Variants in WASHC5 observed in about 807,000 individuals in gnomAD.
The protein encoded by WASHC5 is WASH complex subunit 5, also known as WASH complex subunit strumpellin.
In WASHC5, 101 loss-of-function variants were observed where a neutral mutation model predicts 150.4. The ratio of observed to expected loss-of-function variants is 0.67; its 90% confidence interval spans 0.57 to 0.79. The LOEUF is 0.79. Ranked by LOEUF, WASHC5 falls within the 30% of genes least tolerant of loss-of-function variation. The pLI is 0.00. For missense variants in WASHC5, 1,195 were observed against 1,396.3 expected (o/e 0.86, Z 2.30); for synonymous variants, 467 against 491.2 (o/e 0.95, Z 0.65).
At chr8:125,058,060 C>G (rs1298267088) in intron 14 of WASHC5, among the ~76,000 whole-genome samples, 1 of 151,174 alleles carries the variant, frequency 6.6e-6, no homozygotes, top group Non-Finnish European at 1.5e-5. Context: ...GAAATCAAGA[C>G]GTTCTGATTG....
In WASHC5 at chr8:125,036,688, AAAAT is replaced by A. The variant is rs142430047; in HGVS notation, c.3181+545_3181+548del. On this transcript the variant is annotated intron_variant, in intron 26 of 28. Coordinates refer to ENST00000318410, the MANE Select transcript of WASHC5 (RefSeq NM_014846.4). ...CCTTGTCTCAAAAAATAAATAAAATAAAATAAATAAATAAGTGTACTTAAAAAAA... is the reference window on the plus strand; with the variant it reads ...CCTTGTCTCAAAAAATAAATAAAATAAAATAAATAAGTGTACTTAAAAAAA... Among the ~76,000 whole-genome samples the A allele has an allele frequency of 3.1e-3, 443 of 143,836 alleles. 4 individuals carry two copies. Among genetic ancestry groups the A allele is most frequent in the African/African-American group, 0.012 (420 of 33,828 alleles). 94.4% of individuals were successfully genotyped at this position (143,836 alleles called of 152,430 possible).
intron 1 of WASHC5, among the ~76,000 whole-genome samples, chr8:125,085,378 T>C (rs1817390141): frequency 6.6e-6 from 1 of 152,144 alleles, no homozygotes; most frequent in African/African-American, 2.4e-5. Context: ...CTTAAAAACT[T>C]TTCCATGGTA....
chr8:125,059,673 TA>T (rs1816532255), intron 12 of WASHC5, 131 bp from the exon 13 acceptor site: 4 of 710,852 alleles, frequency 5.6e-6, no homozygotes, highest in Non-Finnish European at 9.3e-6. Context: ...TTTCAAATTA[TA>T]AATTTCAGAA....
chr8:125,047,442 TTG>T, intron 19 of WASHC5, 111 bp from the exon 20 acceptor site: 2 of 1,157,354 alleles, frequency 1.7e-6, no homozygotes, highest in Admixed American at 3.9e-5. Context: ...ACAATAAAGG[TTG>T]TTTTTTTTTT....
At chr8:125,024,778 AGAG>A (rs748221523) in intron 28 of WASHC5, 105 bp from the exon 29 acceptor site, 66 of 790,262 alleles carry the variant, frequency 8.4e-5, no homozygotes, top group Admixed American at 5.6e-4. Context: ...GAATAATAGA[AGAG>A]GAGACTCCCA....
chr8:125,073,185 A>G lies in WASHC5; in HGVS notation c.1118T>C (p.Ile373Thr). 2 of 1,614,156 alleles carry G rather than the reference A, an allele frequency of 1.2e-6. No individual in the cohort carries two copies. Among genetic ancestry groups the G allele is most frequent in the Non-Finnish European group, 1.7e-6 (2 of 1,179,996 alleles). The change falls in exon 9 of 29, where the codon ATC (isoleucine) becomes ACC (threonine). Residue 373 changes from isoleucine to threonine, a missense_variant. Transcript: ENST00000318410. ...TGCTGTATGAAGCATCAGCCATCGG[A>G]TGGCAACATTGCAGTCTCTCAGGCA... ...LNCLRDCNVA[I>T]RWLMLHTADS...
chr8:125,045,816 T>TA (rs1440502087), intron 20 of WASHC5, among the ~76,000 whole-genome samples: 1 of 152,210 alleles, frequency 6.6e-6, no homozygotes, highest in African/African-American at 2.4e-5. Flanking sequence ...ATTCTGATGA[T>TA]AAAATTCATA....
chr8:125,045,533 T>C (rs77485115), intron 20 of WASHC5, among the ~76,000 whole-genome samples: 4,196 of 152,236 alleles, frequency 0.028, 204 homozygotes, highest in African/African-American at 0.093. Flanking sequence ...ACGAATCTGA[T>C]TTAATAGTTC....
intron 26 of WASHC5, 72 bp downstream of exon 26, chr8:125,037,165 C>CA: frequency 1.1e-6 from 1 of 905,048 alleles, no homozygotes; most frequent in Non-Finnish European, 1.9e-6. Context: ...GCATTCTATA[C>CA]AAAAAGCTAT....
At chr8:125,040,011 G>A in intron 23 of WASHC5, 113 bp from the exon 24 acceptor site, 2 of 728,806 alleles carry the variant, frequency 2.7e-6, no homozygotes, top group Non-Finnish European at 4.9e-6. Flanking sequence ...TCACTCTACA[G>A]GAAAAAAAAT....
At chr8:125,036,625 T>C (rs980566453) in intron 26 of WASHC5, among the ~76,000 whole-genome samples, 9 of 143,898 alleles carry the variant, frequency 6.3e-5, no homozygotes, top group Non-Finnish European at 1.3e-4. Context: ...TGAGCTGAGA[T>C]TGTGCCACTG....
In WASHC5 at chr8:125,079,236, G is replaced by T. The variant is rs182927210; in HGVS notation, c.519-306C>A. Among the ~76,000 whole-genome samples the T allele has an allele frequency of 0.071, 9,026 of 127,958 alleles. 422 individuals are homozygous for T. Among genetic ancestry groups the T allele is most frequent in the Middle Eastern group, 0.31 (63 of 202 alleles). The allele number at this position is 127,958 out of a possible 152,430, so 83.9% of individuals were successfully genotyped here. A position where few individuals can be genotyped will look rare whatever the true frequency, so the allele number is the denominator to read the frequency against. ...AGATGGTGTCTTGCTCTGTCACCCA[G>T]GCTGGAGTGCAGTGGCGTGATCTCA... On this transcript the variant is annotated intron_variant, in intron 5 of 28. Coordinates refer to ENST00000318410, the MANE Select transcript of WASHC5 (RefSeq NM_014846.4).
chr8:125,047,265 C>T lies in WASHC5; in HGVS notation c.2446G>A (p.Glu816Lys). The T allele has an allele frequency of 1.2e-6, 2 of 1,614,120 alleles. No homozygotes were observed. Among genetic ancestry groups the T allele is most frequent in the South Asian group, 2.2e-5 (2 of 91,080 alleles). ...AGTCGACCAATAAACGTTACAGACT[C>T]ATCCACAGGGGTAAACTTGGGTATT... ...IPIPKFTPVD[E>K]SVTFIGRLCR... The change falls in exon 20 of 29, where the codon GAG becomes AAG. Residue 816 changes from glutamate to lysine, a missense_variant. Coordinates refer to ENST00000318410, the MANE Select transcript of WASHC5 (RefSeq NM_014846.4).
Position 125,061,127 on chromosome 8 carries a change from A to G in WASHC5, c.1476T>C (p.Thr492=). The change falls in exon 12 of 29, where the codon ACT becomes ACC. Residue 492 remains threonine, a synonymous_variant. Transcript: ENST00000318410. ...QILSLNYDDS[T]AAGRKTVQLI... The stretch of plus-strand genomic sequence containing the variant: ...GTTGTACAGTTTTTCTGCCCGCAGC[A>G]GTAGAATCATCATAATTTAAAGACA... 1 of 1,613,038 alleles carries G rather than the reference A, an allele frequency of 6.2e-7. No individual in the cohort carries two copies. Among genetic ancestry groups the G allele is most frequent in the Non-Finnish European group, 8.5e-7 (1 of 1,179,086 alleles).
At chr8:125,063,301 T>C (rs1816655969) in intron 11 of WASHC5, among the ~76,000 whole-genome samples, 1 of 152,140 alleles carries the variant, frequency 6.6e-6, no homozygotes, top group African/African-American at 2.4e-5. Context: ...AGATAAGATA[T>C]AAAACCTGAA....
rs767608029 is a variant in WASHC5, at chr8:125,038,867, T to G, written c.3047A>C (p.Tyr1016Ser). 1.2e-6 allele frequency: 2 copies of G among 1,614,014 alleles called. No homozygotes were observed. Among genetic ancestry groups the G allele is most frequent in the African/African-American group, 2.7e-5 (2 of 74,946 alleles). The change falls in exon 25 of 29, where the codon TAT (tyrosine) becomes TCT (serine). Residue 1016 changes from tyrosine to serine, a missense_variant. Tyr to Ser is a moderately radical substitution (Grantham distance 144). Around this residue, in one of 3 missense-constraint regions of WASHC5, gnomAD observed 997 missense variants for 1,168.1 expected, o/e 0.85. Coordinates refer to ENST00000318410, the MANE Select transcript of WASHC5 (RefSeq NM_014846.4). ...GTTGTGAATGCCAGCTGCCTCCAGA[T>G]AGGCTGTGATTTCATATAAAAGTGT... ...DNTLLYEITA[Y>S]LEAAGIHNPL...
Position 125,024,618 on chromosome 8 carries a change from T to A in WASHC5, c.3479A>T (p.Ter1160LeuextTer13). 1 of 1,603,036 alleles carries A rather than the reference T, an allele frequency of 6.2e-7. No homozygotes were observed. Among genetic ancestry groups the A allele is most frequent in the South Asian group, 1.1e-5 (1 of 90,848 alleles). Reference protein sequence around the residue: ...FIFDEFRTVL* With the variant: ...FIFDEFRTVLL ...CCATTGAAGAAGTAGGAAAAACAGT[T>A]ACAGCACTGTTCTGAACTCATCAAA... The change falls in exon 29 of 29, where the codon TAA becomes TTA. Residue 1160 changes from the stop codon to leucine (L), a stop_lost. Transcript: ENST00000318410.
intron 23 of WASHC5, among the ~76,000 whole-genome samples, chr8:125,043,369 T>C (rs889692018): frequency 2.6e-5 from 4 of 152,240 alleles, no homozygotes; most frequent in Non-Finnish European, 4.4e-5. Flanking sequence ...GACTGCTTTC[T>C]GCAGAGTATA....
rs113976845 is a variant in WASHC5 at position 125,091,020 on chromosome 8, C to T, written c.-125+595G>A. The stretch of plus-strand genomic sequence containing the variant: ...CGCCTCACCTATGTTTGAGGGAGCT[C>T]CATGCGCTTGCAATCAGGAGACCCA... On this transcript the variant is annotated intron_variant, in intron 1 of 28. Transcript: ENST00000318410. Among the ~76,000 whole-genome samples, 87 of 152,238 alleles carry T rather than the reference C, an allele frequency of 5.7e-4. 1 individual carries two copies. Among genetic ancestry groups the T allele is most frequent in the South Asian group, 6.2e-4 (3 of 4,830 alleles).
Sources: gnomAD v4.1 joint callset for allele counts (sites outside exome capture counted in the v4.1 genomes callset) on GRCh38, gnomAD v4.1.1 for gene constraint, gnomAD v4.1.1 regional missense constraint, MANE v1.5 for transcripts, NCBI Gene and HGNC (gene_info 2026-07-23, HGNC 2026-07-21) for gene names.